The following GPR137C variants were observed in gnomAD, a reference collection of about 807,000 sequenced individuals.
GPR137C encodes the protein integral membrane protein GPR137C.
A neutral mutation model predicts 43.4 loss-of-function variants in GPR137C; 27 were observed. The observed-to-expected ratio is 0.62, with a 90% CI of 0.46 to 0.86. The LOEUF is 0.86. Among genes scored for constraint, GPR137C ranks in the 40% least tolerant of loss-of-function variants. The pLI is 0.00. For synonymous variants in GPR137C, 285 were observed against 226.9 expected, an observed-to-expected ratio of 1.26 and a Z score of -2.30; for missense variants, 522 against 534.6, an observed-to-expected ratio of 0.98 and a Z score of 0.23.
At chr14:52,583,382 T>C (rs1012382330) in intron 1 of GPR137C, among the ~76,000 whole-genome samples, 1 of 152,246 alleles carries the variant, frequency 6.6e-6, no homozygotes, top group Non-Finnish European at 1.5e-5. Context: ...AATCCAAATG[T>C]GATTTAAGCA....
chr14:52,582,761 T>G (rs2038664137), intron 1 of GPR137C, among the ~76,000 whole-genome samples: 1 of 152,048 alleles, frequency 6.6e-6, no homozygotes, highest in African/African-American at 2.4e-5. Flanking sequence ...GGCAGTGCAC[T>G]CCAGCCTGGG....
chr14:52,583,968 A>G (rs1371563966), intron 1 of GPR137C, among the ~76,000 whole-genome samples: 3 of 151,976 alleles, frequency 2.0e-5, no homozygotes, highest in African/African-American at 7.3e-5. Context: ...CTTTTCCCTT[A>G]TATATATTCA....
chr14:52,585,753 T>G (rs1329706941), intron 1 of GPR137C, among the ~76,000 whole-genome samples: 1 of 152,108 alleles, frequency 6.6e-6, no homozygotes, highest in Non-Finnish European at 1.5e-5. Flanking sequence ...GAGAATCACT[T>G]GAACCCAGGA....
intron 3 of GPR137C, among the ~76,000 whole-genome samples, chr14:52,624,701 G>A (rs771339537): frequency 1.4e-5 from 2 of 144,464 alleles, no homozygotes; most frequent in Admixed American, 7.1e-5. Context: ...TCCATCCAAC[G>A]CAACAGAGCC....
At chr14:52,588,398 G>C (rs1450791831) in intron 1 of GPR137C, among the ~76,000 whole-genome samples, 1 of 152,108 alleles carries the variant, frequency 6.6e-6, no homozygotes, top group Non-Finnish European at 1.5e-5. Context: ...ACCTGCCTCA[G>C]CCTCCCAAAG....
intron 1 of GPR137C, among the ~76,000 whole-genome samples, chr14:52,586,005 G>A (rs904300829): frequency 3.3e-5 from 5 of 152,134 alleles, no homozygotes; most frequent in Admixed American, 2.6e-4. Context: ...CATGCAGTGG[G>A]GAATGCTACA....
intron 6 of GPR137C, among the ~76,000 whole-genome samples, chr14:52,634,560 T>C (rs1335867562): frequency 6.6e-6 from 1 of 152,118 alleles, no homozygotes; most frequent in East Asian, 1.9e-4. Context: ...ACAGGGATAA[T>C]AGAACCTATT....
intron 1 of GPR137C, among the ~76,000 whole-genome samples, chr14:52,585,855 G>A (rs1191828938): frequency 6.6e-6 from 1 of 151,928 alleles, no homozygotes; most frequent in Non-Finnish European, 1.5e-5. Context: ...GAAAAGAAAA[G>A]AAAACACAAG....
intron 3 of GPR137C, among the ~76,000 whole-genome samples, chr14:52,601,763 C>G (rs1277166931): frequency 1.3e-5 from 2 of 151,710 alleles, no homozygotes; most frequent in Non-Finnish European, 2.9e-5. Context: ...TGTTGCTTGT[C>G]TAGGGATAAA....
At position 52,635,829 on chromosome 14, in the gene GPR137C, A is replaced by G. The variant is rs1021829205; in HGVS notation, c.*714A>G. The G allele has an allele frequency of 3.9e-5, 6 of 152,096 alleles. No individual in the cohort carries two copies. Among genetic ancestry groups the G allele is most frequent in the Admixed American group, 1.3e-4 (2 of 15,242 alleles). 9.4% of individuals were successfully genotyped at this position (152,096 alleles called of 1,614,324 possible). A position where few individuals can be genotyped will look rare whatever the true frequency, so the allele number is the denominator to read the frequency against. ...AATTGGTCAGTTGATTATTTTGTGT[A>G]ATTGAGATATATGTAGTAGTTTAAG... is the stretch of plus-strand genomic sequence containing the variant. On this transcript the variant is annotated 3_prime_UTR_variant, in exon 7 of 7. Coordinates refer to ENST00000321662, the MANE Select transcript of GPR137C (RefSeq NM_001099652.2).
intron 1 of GPR137C, among the ~76,000 whole-genome samples, chr14:52,554,729 G>T (rs1490671124): frequency 6.8e-6 from 1 of 147,750 alleles, no homozygotes. Context: ...AAAAAAAAAT[G>T]ACGTATATTA....
At position 52,558,103 on chromosome 14, in the gene GPR137C, C is replaced by CAAA. The variant is rs11462333; in HGVS notation, c.444+4525_444+4527dup. Among the ~76,000 whole-genome samples, 767 of 121,834 alleles carry CAAA rather than the reference C, an allele frequency of 6.3e-3. 12 individuals are homozygous for CAAA. Among genetic ancestry groups the CAAA allele is most frequent in the Admixed American group, 0.042 (521 of 12,272 alleles). The allele number at this position is 121,834 out of a possible 152,430, so 79.9% of individuals were successfully genotyped here. A position where few individuals can be genotyped will look rare whatever the true frequency, so the allele number is the denominator to read the frequency against. On this transcript the variant is annotated intron_variant, in intron 1 of 6. Transcript: ENST00000321662. Reference sequence around the variant, plus strand: ...CTGGCAAGAAAAGGCCAGAAACTACCAAAAAAAAAAAAAAATGCAGAATGA... The same window carrying CAAA: ...CTGGCAAGAAAAGGCCAGAAACTACCAAAAAAAAAAAAAAAAAATGCAGAATGA...
At chr14:52,557,591 A>G (rs999817859) in intron 1 of GPR137C, among the ~76,000 whole-genome samples, 2 of 152,186 alleles carry the variant, frequency 1.3e-5, no homozygotes, top group African/African-American at 2.4e-5. Context: ...TTTTTTCACT[A>G]TCTTGATCTT....
Position 52,599,997 on chromosome 14 carries a change from A to T in GPR137C, c.489-116A>T, listed in dbSNP as rs191768982. ...GAATAAATGCTTAAAAATCTATGCCATTCATAAACATTTCAAACTGAAGGA... is the reference window on the plus strand; with the variant it reads ...GAATAAATGCTTAAAAATCTATGCCTTTCATAAACATTTCAAACTGAAGGA... On this transcript the variant is annotated intron_variant, in intron 2 of 6. Transcript: ENST00000321662. 38 of 678,696 alleles carry T rather than the reference A, an allele frequency of 5.6e-5. No individual in the cohort carries two copies. In the African/African-American group the frequency reaches 6.2e-4, roughly 11 times the overall value. The allele number at this position is 678,696 out of a possible 1,614,324, so 42.0% of individuals were successfully genotyped here.
intron 1 of GPR137C, among the ~76,000 whole-genome samples, chr14:52,582,763 C>T (rs1451288242): frequency 6.6e-6 from 1 of 151,948 alleles, no homozygotes; most frequent in African/African-American, 2.4e-5. Context: ...CAGTGCACTC[C>T]AGCCTGGGCA....
intron 6 of GPR137C, among the ~76,000 whole-genome samples, chr14:52,634,718 T>TATTC (rs1343053381): frequency 1.3e-5 from 2 of 152,260 alleles, no homozygotes; most frequent in East Asian, 3.9e-4. Context: ...GAGTGGCATT[T>TATTC]ATTCATTCTT....
intron 3 of GPR137C, among the ~76,000 whole-genome samples, chr14:52,622,936 C>G (rs1471362880): frequency 6.6e-6 from 1 of 152,022 alleles, no homozygotes; most frequent in Non-Finnish European, 1.5e-5. Context: ...ACTGCCGGTA[C>G]AGTTCATTGC....
chr14:52,614,723 G>T (rs1013156508), intron 3 of GPR137C, among the ~76,000 whole-genome samples: 1 of 152,138 alleles, frequency 6.6e-6, no homozygotes, highest in African/African-American at 2.4e-5. Context: ...TTGGTCTTAA[G>T]CTATCCTTCT....
intron 2 of GPR137C, among the ~76,000 whole-genome samples, chr14:52,599,360 A>AT (rs1185652813): frequency 6.6e-6 from 1 of 151,404 alleles, no homozygotes; most frequent in East Asian, 1.9e-4. Context: ...GTTTGAAAGC[A>AT]TTTTTTGCTA....
Sources: gnomAD v4.1 joint callset for allele counts (sites outside exome capture counted in the v4.1 genomes callset) on GRCh38, gnomAD v4.1.1 for gene constraint, MANE v1.5 for transcripts, NCBI Gene and HGNC (gene_info 2026-07-23, HGNC 2026-07-21) for gene names.